The following GLIS3 variants were observed in gnomAD, a reference collection of about 807,000 sequenced individuals.
The protein encoded by GLIS3 is zinc finger protein GLIS3.
In GLIS3, 53 loss-of-function variants were observed where a neutral mutation model predicts 78.6. That is an observed-to-expected ratio of 0.67 (90% CI 0.54 to 0.85). The LOEUF is 0.85. Among genes scored for constraint, GLIS3 ranks in the 40% least tolerant of loss-of-function variants. GLIS3 has a pLI of 0.00. For missense variants in GLIS3, 1,703 were observed against 1,231.1 expected (o/e 1.38, Z -5.74); for synonymous variants, 684 against 509.9 (o/e 1.34, Z -4.60).
chr9:4,470,101 G>C, the GLIS3 span, among the ~76,000 whole-genome samples: 1 of 152,124 alleles, frequency 6.6e-6, no homozygotes, highest in Non-Finnish European at 1.5e-5. Context: ...CTGAAATTGA[G>C]GCAATAATTA....
chr9:4,057,286 C>T (rs1443052850), intron 4 of GLIS3, among the ~76,000 whole-genome samples: 2 of 152,138 alleles, frequency 1.3e-5, no homozygotes, highest in East Asian at 3.9e-4. Context: ...TTAATCATTT[C>T]TGAACAAGGG....
chr9:3,970,880 T>C (rs865999487), intron 4 of GLIS3, among the ~76,000 whole-genome samples: 1 of 151,928 alleles, frequency 6.6e-6, no homozygotes, highest in Non-Finnish European at 1.5e-5. Context: ...GGCACAACAT[T>C]GGCTGTATTT....
chr9:4,283,515 C>A (rs888207099), intron 2 of GLIS3, among the ~76,000 whole-genome samples: 2 of 152,156 alleles, frequency 1.3e-5, no homozygotes, highest in Non-Finnish European at 2.9e-5. Flanking sequence ...ATCTGCCTGC[C>A]TTGGCCTCCC....
intron 1 of GLIS3, among the ~76,000 whole-genome samples, chr9:4,290,679 A>C (rs925706959): frequency 6.6e-6 from 1 of 152,156 alleles, no homozygotes; most frequent in Non-Finnish European, 1.5e-5. Context: ...CCCTTGTCCT[A>C]ACACAGGTGA....
the GLIS3 span, among the ~76,000 whole-genome samples, chr9:4,439,908 C>T: frequency 6.6e-6 from 1 of 152,164 alleles, no homozygotes; most frequent in African/African-American, 2.4e-5. Flanking sequence ...GTCTTGAACT[C>T]CTGTGCTCAA....
chr9:4,231,777 T>A (rs1822274145), intron 2 of GLIS3, among the ~76,000 whole-genome samples: 1 of 152,186 alleles, frequency 6.6e-6, no homozygotes, highest in Admixed American at 6.5e-5. Flanking sequence ...CATTCAAAGA[T>A]CAAAATTTTT....
chr9:4,217,490 G>A (rs1820960529), intron 2 of GLIS3, among the ~76,000 whole-genome samples: 1 of 152,182 alleles, frequency 6.6e-6, no homozygotes, highest in Admixed American at 6.6e-5. Flanking sequence ...ATAGTATACA[G>A]CATGGACTAC....
intron 2 of GLIS3, among the ~76,000 whole-genome samples, chr9:4,185,188 G>A (rs554999866): frequency 6.6e-6 from 1 of 152,128 alleles, no homozygotes; most frequent in Non-Finnish European, 1.5e-5. Context: ...TTGTACCAAC[G>A]CAAAATGCAA....
chr9:4,169,294 T>C (rs984836589), intron 2 of GLIS3, among the ~76,000 whole-genome samples: 7 of 152,216 alleles, frequency 4.6e-5, no homozygotes, highest in African/African-American at 1.7e-4. Flanking sequence ...ATTACTAGCC[T>C]CAGATTCTGG....
chr9:4,464,823 G>A, the GLIS3 span, among the ~76,000 whole-genome samples: 1 of 152,190 alleles, frequency 6.6e-6, no homozygotes, highest in African/African-American at 2.4e-5. Flanking sequence ...GAATATTGAA[G>A]CCAGGAAATG....
intron 6 of GLIS3, among the ~76,000 whole-genome samples, chr9:3,908,508 G>T (rs1164511320): frequency 6.6e-6 from 1 of 152,096 alleles, no homozygotes; most frequent in African/African-American, 2.4e-5. Context: ...AAGTAAACAA[G>T]TTGGCTCCTT....
At chr9:4,229,064 A>G (rs1460912307) in intron 2 of GLIS3, among the ~76,000 whole-genome samples, 1 of 152,206 alleles carries the variant, frequency 6.6e-6, no homozygotes. Context: ...CTCCAAAATT[A>G]GTTGTTAGGT....
intron 4 of GLIS3, among the ~76,000 whole-genome samples, chr9:4,106,293 G>T (rs539380947): frequency 2.6e-5 from 4 of 152,072 alleles, no homozygotes; most frequent in Non-Finnish European, 4.4e-5. Flanking sequence ...TATACGTGAC[G>T]CCTCCTAATT....
intron 4 of GLIS3, among the ~76,000 whole-genome samples, chr9:4,064,218 T>C (rs116277207): frequency 0.03 from 4,542 of 152,230 alleles, 226 homozygotes; most frequent in African/African-American, 0.1. Flanking sequence ...ATACCTTGTA[T>C]TATACAGTAC....
At chr9:3,969,110 C>T (rs190849938) in intron 4 of GLIS3, among the ~76,000 whole-genome samples, 68 of 152,242 alleles carry the variant, frequency 4.5e-4, no homozygotes, top group African/African-American at 1.4e-3. Context: ...TTCATTTTTC[C>T]CCTTGTCTGC....
At chr9:4,029,303 T>A (rs949108093) in intron 4 of GLIS3, among the ~76,000 whole-genome samples, 2 of 151,826 alleles carry the variant, frequency 1.3e-5, no homozygotes, top group Non-Finnish European at 2.9e-5. Context: ...AAATGTGTGC[T>A]CCCCATCATT....
chr9:4,369,141 A>G, the GLIS3 span, among the ~76,000 whole-genome samples: 2 of 152,066 alleles, frequency 1.3e-5, no homozygotes, highest in Admixed American at 6.6e-5. Flanking sequence ...ATTTTTGCAC[A>G]TTATTAAGAC....
intron 6 of GLIS3, among the ~76,000 whole-genome samples, chr9:3,899,602 C>T: frequency 6.6e-6 from 1 of 151,692 alleles, no homozygotes; most frequent in South Asian, 2.1e-4. Flanking sequence ...ACCTTAAAAG[C>T]AATCTAGAAA....
intron 2 of GLIS3, among the ~76,000 whole-genome samples, chr9:4,183,627 A>G (rs1009101650): frequency 2.6e-5 from 4 of 152,234 alleles, no homozygotes; most frequent in African/African-American, 9.6e-5. Context: ...AACTAAGGAC[A>G]CTGATTAGAT....
Sources: gnomAD v4.1 joint callset for allele counts (sites outside exome capture counted in the v4.1 genomes callset) on GRCh38, gnomAD v4.1.1 for gene constraint, MANE v1.5 for transcripts, NCBI Gene and HGNC (gene_info 2026-07-23, HGNC 2026-07-21) for gene names.